The following NOL7 variants were observed in gnomAD, a reference collection of about 807,000 sequenced individuals.
NOL7 encodes U3 small nucleolar RNA-associated protein NOL7.
NOL7 carries 36 observed loss-of-function variants against 38.4 expected under a neutral mutation model. That is an observed-to-expected ratio of 0.94 (90% CI 0.72 to 1.24). The LOEUF (loss-of-function observed/expected upper bound fraction) is 1.24. Ranked by LOEUF, NOL7 falls within the 50% of genes most tolerant of loss-of-function variation. NOL7 has a pLI of 0.00. For missense variants in NOL7, 350 were observed against 315.1 expected, an observed-to-expected ratio of 1.11 and a Z score of -0.84; for synonymous variants, 142 against 126.5, an observed-to-expected ratio of 1.12 and a Z score of -0.82.
Position 13,617,784 on chromosome 6 carries a change from C to T in NOL7, c.401C>T (p.Pro134Leu). Reference sequence around the variant, plus strand: ...TTTTTCCTTAGCATCAAGAAATCGCCAGGAAAGGTGAAAGAAGGTATGACT... The same window carrying T: ...TTTTTCCTTAGCATCAAGAAATCGCTAGGAAAGGTGAAAGAAGGTATGACT... ...TASQTNIKKSPGKVKEVNLQK... is the reference protein window; with the variant it reads ...TASQTNIKKSLGKVKEVNLQK... The change falls in exon 4 of 8, where the codon CCA (proline) becomes CTA (leucine). Residue 134 changes from proline to leucine, a missense_variant. Coordinates refer to ENST00000451315, the MANE Select transcript of NOL7 (RefSeq NM_016167.5). The T allele has an allele frequency of 6.2e-7, 1 of 1,613,742 alleles. No homozygotes were observed. The highest frequency in any genetic ancestry group is 8.5e-7 in the Non-Finnish European group (1 of 1,179,758).
intron 8 of NOL7, among the ~76,000 whole-genome samples, chr6:13,629,093 C>G (rs1028457915): frequency 6.6e-6 from 1 of 150,598 alleles, no homozygotes; most frequent in African/African-American, 2.4e-5. Context: ...ACCTATACAG[C>G]AACAATAAAA....
Position 13,620,889 on chromosome 6 carries a change from TAGATCATTTTAAA to T in NOL7, c.*63_*75del. 1 of 989,938 alleles carries T rather than the reference TAGATCATTTTAAA, an allele frequency of 1.0e-6. No individual in the cohort carries two copies. Among genetic ancestry groups the T allele is most frequent in the Non-Finnish European group, 1.5e-6 (1 of 668,660 alleles). The allele number at this position is 989,938 out of a possible 1,614,324, so 61.3% of individuals were successfully genotyped here. ...TAGAATTTATCTAATAAATCATTCA[TAGATCATTTTAAA>T]GGATCATTATAAAAATCATAAACCT... On this transcript the variant is annotated 3_prime_UTR_variant, in exon 8 of 8. Coordinates refer to ENST00000451315, the MANE Select transcript of NOL7 (RefSeq NM_016167.5).
rs1764450729 is a variant in NOL7, at chr6:13,621,684, A to C, written c.*857A>C. ...CACACCGTTGACATGTAATACTGTT[A>C]TAATACAACAGTTAAACTTGTGAGT... is the stretch of plus-strand genomic sequence containing the variant. On this transcript the variant is annotated 3_prime_UTR_variant, in exon 8 of 8. Coordinates refer to ENST00000451315, the MANE Select transcript of NOL7 (RefSeq NM_016167.5). The C allele has an allele frequency of 6.6e-6, 1 of 152,658 alleles. No individual in the cohort carries two copies. The highest frequency in any genetic ancestry group is 1.5e-5 in the Non-Finnish European group (1 of 68,036). The allele number at this position is 152,658 out of a possible 1,614,324, so 9.5% of individuals were successfully genotyped here.
chr6:13,624,180 T>TGA (rs1363355905), downstream of NOL7, among the ~76,000 whole-genome samples: 1 of 152,206 alleles, frequency 6.6e-6, no homozygotes, highest in Non-Finnish European at 1.5e-5. Context: ...CTGAGGACAC[T>TGA]ACTCCTATTC....
chr6:13,622,778 G>A (rs1016196572), downstream of NOL7, among the ~76,000 whole-genome samples: 4 of 152,166 alleles, frequency 2.6e-5, no homozygotes, highest in African/African-American at 9.7e-5. Flanking sequence ...GATGGGAAAG[G>A]TACAATTTTT....
At chr6:13,626,843 T>G (rs1268013177) in intron 8 of NOL7, among the ~76,000 whole-genome samples, 1 of 152,164 alleles carries the variant, frequency 6.6e-6, no homozygotes, top group African/African-American at 2.4e-5. Flanking sequence ...CTTACTAGTG[T>G]TATGAAAGCA....
downstream of NOL7, among the ~76,000 whole-genome samples, chr6:13,623,198 A>G (rs1764503941): frequency 6.6e-6 from 1 of 152,194 alleles, no homozygotes; most frequent in Non-Finnish European, 1.5e-5. Context: ...GATGGAAAAA[A>G]ATGAACTAAT....
downstream of NOL7, chr6:13,622,321 C>G (rs192334218): frequency 1.4e-6 from 2 of 1,459,052 alleles, no homozygotes; most frequent in Non-Finnish European, 1.8e-6. Flanking sequence ...TCCATGTTGA[C>G]TATATGCCAC....
downstream of NOL7, chr6:13,622,394 C>T (rs756238730): frequency 3.1e-6 from 5 of 1,598,178 alleles, no homozygotes; most frequent in South Asian, 2.3e-5. Flanking sequence ...GTGGCAAATG[C>T]GCAGGATCCA....
intron 8 of NOL7, among the ~76,000 whole-genome samples, chr6:13,630,661 T>A (rs1764753600): frequency 6.6e-6 from 1 of 152,210 alleles, no homozygotes; most frequent in African/African-American, 2.4e-5. Context: ...AAGATGTTCC[T>A]TGCCCTTTTC....
chr6:13,624,081 G>T (rs1159275984), downstream of NOL7, among the ~76,000 whole-genome samples: 1 of 152,120 alleles, frequency 6.6e-6, no homozygotes, highest in Non-Finnish European at 1.5e-5. Flanking sequence ...GGAGCTAAAT[G>T]AATTTTGTAG....
chr6:13,623,652 T>C (rs1764521687), downstream of NOL7, among the ~76,000 whole-genome samples: 1 of 152,176 alleles, frequency 6.6e-6, no homozygotes, highest in Non-Finnish European at 1.5e-5. Context: ...GCGATGCATC[T>C]TTAACTTTTT....
intron 8 of NOL7, among the ~76,000 whole-genome samples, chr6:13,631,478 G>C (rs978286767): frequency 6.6e-6 from 1 of 152,082 alleles, no homozygotes; most frequent in African/African-American, 2.4e-5. Flanking sequence ...TATCATGTCG[G>C]CACTCTTAAG....
rs776859367 is a variant in NOL7, at chr6:13,620,372, TA to T, written c.623-32del. On this transcript the variant is annotated intron_variant, in intron 6 of 7. Coordinates refer to ENST00000451315, the MANE Select transcript of NOL7 (RefSeq NM_016167.5). Reference sequence around the variant, plus strand: ...TATTTTTCTCACTTTTTACTGCAAATAAAACTGTGAAATGATAAATACCTTT... The same window carrying T: ...TATTTTTCTCACTTTTTACTGCAAATAAACTGTGAAATGATAAATACCTTT... 22 of 1,613,748 alleles carry T rather than the reference TA, an allele frequency of 1.4e-5. No individual in the cohort carries two copies. In the Middle Eastern group the frequency reaches 4.9e-4, roughly 36 times the overall value.
At chr6:13,632,290 G>T in intron 8 of NOL7, 1 of 1,428,214 alleles carries the variant, frequency 7.0e-7, no homozygotes, top group Non-Finnish European at 9.5e-7. Flanking sequence ...AGAATTTCTG[G>T]TACACTGCTC....
downstream of NOL7, among the ~76,000 whole-genome samples, chr6:13,625,292 T>C (rs1008728483): frequency 6.6e-6 from 1 of 152,160 alleles, no homozygotes; most frequent in Non-Finnish European, 1.5e-5. Context: ...TAAAGAGGGC[T>C]GTAAGGAATG....
chr6:13,629,921 C>CTCTCGTGT (rs1554221305), intron 8 of NOL7, among the ~76,000 whole-genome samples: 19 of 128,428 alleles, frequency 1.5e-4, no homozygotes, highest in East Asian at 8.4e-4. Context: ...CTCTCTCTCT[C>CTCTCGTGT]GTGTGTGTGT....
At chr6:13,620,148 G>T in intron 5 of NOL7, 60 bp from the exon 6 acceptor site, 1 of 1,371,550 alleles carries the variant, frequency 7.3e-7, no homozygotes, top group South Asian at 1.4e-5. Context: ...GTCTCAGGAA[G>T]AAAAAAAAAA....
chr6:13,622,901 T>C (rs146051705), downstream of NOL7, among the ~76,000 whole-genome samples: 3 of 152,320 alleles, frequency 2.0e-5, no homozygotes, highest in African/African-American at 7.2e-5. Flanking sequence ...AAGTTTCCAC[T>C]GATGGGTTCT....
Sources: allele counts gnomAD v4.1 joint callset (sites outside exome capture counted in the v4.1 genomes callset), GRCh38; gene constraint gnomAD v4.1.1; transcripts MANE v1.5; gene names NCBI Gene and HGNC (gene_info 2026-07-23, HGNC 2026-07-21).